CMIP: variants seen among roughly 807,000 people sequenced by gnomAD.
The protein encoded by CMIP is c-Maf inducing protein.
Under a neutral mutation model 97.3 loss-of-function variants are expected in CMIP, and 13 were observed. The ratio of observed to expected loss-of-function variants is 0.13; its 90% CI spans 0.09 to 0.21. The LOEUF (loss-of-function observed/expected upper bound fraction) is 0.21. Ranked by LOEUF, CMIP falls within the 10% of genes least tolerant of loss-of-function variation. The pLI is 1.00. For synonymous variants in CMIP, 538 were observed against 436.3 expected (o/e 1.23, Z -2.91); for missense variants, 847 against 1,024.9 (o/e 0.83, Z 2.37).
At chr16:81,694,823 C>T (rs540791884) in intron 13 of CMIP, among the ~76,000 whole-genome samples, 5 of 152,262 alleles carry the variant, frequency 3.3e-5, no homozygotes, top group South Asian at 4.1e-4. Flanking sequence ...TCCAAAACAC[C>T]GCAATTCTAA....
At chr16:81,632,374 A>G (rs369306239) in intron 3 of CMIP, among the ~76,000 whole-genome samples, 4 of 152,170 alleles carry the variant, frequency 2.6e-5, no homozygotes, top group East Asian at 3.8e-4. Flanking sequence ...GCTTATGAAT[A>G]TTCCTTTGTA....
intron 1 of CMIP, among the ~76,000 whole-genome samples, chr16:81,529,953 C>T (rs2090200267): frequency 6.6e-6 from 1 of 152,174 alleles, no homozygotes; most frequent in Non-Finnish European, 1.5e-5. Context: ...CCATAGGAAC[C>T]TTATACATGG....
intron 1 of CMIP, among the ~76,000 whole-genome samples, chr16:81,552,117 G>C (rs769507871): frequency 6.6e-6 from 1 of 152,176 alleles, no homozygotes; most frequent in Non-Finnish European, 1.5e-5. Flanking sequence ...ACATCTGACT[G>C]TCCAGGCCCA....
intron 7 of CMIP, chr16:81,664,817 C>G (rs2092585936): frequency 3.6e-6 from 1 of 280,690 alleles, no homozygotes. Flanking sequence ...CAACAACAAG[C>G]CAGTTAGACA....
rs144123118 is a variant in CMIP, at chr16:81,664,604, G to A, written c.825+255G>A. ...ACCGCAGCTGGAGGAGAAGAGGAAA[G>A]CCTCCCGGGAAGAATAGGCCCAAAT... On this transcript the variant is annotated intron_variant, in intron 7 of 20. Transcript: ENST00000537098. 2.4e-3 allele frequency: 1,396 copies of A among 586,364 alleles called. 4 individuals are homozygous for A. Among genetic ancestry groups the A allele is most frequent in the Non-Finnish European group, 3.4e-3 (1,124 of 330,404 alleles). The allele number at this position is 586,364 out of a possible 1,614,324, so 36.3% of individuals were successfully genotyped here.
intron 1 of CMIP, among the ~76,000 whole-genome samples, chr16:81,604,811 A>G (rs1486574324): frequency 1.3e-5 from 2 of 152,246 alleles, no homozygotes; most frequent in Admixed American, 1.3e-4. Context: ...AAGGCAGGGC[A>G]TGTGAAAGGT....
chr16:81,692,172 C>T (rs1906158866), intron 11 of CMIP, among the ~76,000 whole-genome samples: 1 of 152,170 alleles, frequency 6.6e-6, no homozygotes. Context: ...TTATTATGCA[C>T]CAGATGGGAA....
At chr16:81,553,102 G>A (rs926021647) in intron 1 of CMIP, among the ~76,000 whole-genome samples, 1 of 152,160 alleles carries the variant, frequency 6.6e-6, no homozygotes, top group Non-Finnish European at 1.5e-5. Context: ...AGCCACGTGG[G>A]TCCCAGCACC....
At chr16:81,640,303 T>A (rs2092288894) in intron 3 of CMIP, among the ~76,000 whole-genome samples, 1 of 132,790 alleles carries the variant, frequency 7.5e-6, no homozygotes. Flanking sequence ...CCCCCCCAAT[T>A]CCCCAGGGAA....
At chr16:81,556,568 G>A (rs2090768448) in intron 1 of CMIP, among the ~76,000 whole-genome samples, 1 of 152,156 alleles carries the variant, frequency 6.6e-6, no homozygotes, top group Admixed American at 6.5e-5. Context: ...GAGACAGAAG[G>A]TGGAATCCTG....
intron 3 of CMIP, among the ~76,000 whole-genome samples, chr16:81,632,834 A>G (rs1436100315): frequency 6.6e-6 from 1 of 152,104 alleles, no homozygotes; most frequent in Admixed American, 6.5e-5. Flanking sequence ...TCAACTCTAC[A>G]TAAGGGCCAG....
chr16:81,611,365 T>C (rs74469188), intron 2 of CMIP: 20,067 of 152,208 alleles, frequency 0.13, 1,355 homozygotes, highest in Middle Eastern at 0.2. Flanking sequence ...GGCTGTGCTG[T>C]AATGCAGTCT....
intron 1 of CMIP, among the ~76,000 whole-genome samples, chr16:81,454,376 G>A (rs1906418990): frequency 6.6e-6 from 1 of 152,196 alleles, no homozygotes; most frequent in South Asian, 2.1e-4. Context: ...GTCTGTGTGG[G>A]TCCATCAATG....
At chr16:81,549,932 TTGTG>T (rs900738534) in intron 1 of CMIP, among the ~76,000 whole-genome samples, 12 of 152,266 alleles carry the variant, frequency 7.9e-5, no homozygotes, top group African/African-American at 1.2e-4. Context: ...GCTTGTGCAT[TTGTG>T]TGTGTGTGTA....
At chr16:81,517,648 T>C (rs934009874) in intron 1 of CMIP, among the ~76,000 whole-genome samples, 1 of 152,204 alleles carries the variant, frequency 6.6e-6, no homozygotes, top group African/African-American at 2.4e-5. Flanking sequence ...TTGCAAAGTA[T>C]GTAATAGGCC....
chr16:81,576,174 C>T (rs760366929), intron 1 of CMIP, among the ~76,000 whole-genome samples: 11 of 152,220 alleles, frequency 7.2e-5, no homozygotes, highest in East Asian at 1.9e-4. Flanking sequence ...GAGGCTGAGG[C>T]GGGTGGATCA....
intron 2 of CMIP, among the ~76,000 whole-genome samples, chr16:81,608,897 G>T (rs897483915): frequency 1.3e-5 from 2 of 152,142 alleles, no homozygotes; most frequent in Non-Finnish European, 2.9e-5. Context: ...CCTTCTCTTA[G>T]CCCAAAGAGA....
intron 10 of CMIP, among the ~76,000 whole-genome samples, chr16:81,685,062 C>T (rs1905242241): frequency 6.6e-6 from 1 of 152,352 alleles, no homozygotes; most frequent in South Asian, 2.1e-4. Context: ...TTCCCTTCTT[C>T]GTGGGCCTGC....
At chr16:81,495,329 C>T in intron 1 of CMIP, 4 of 1,463,380 alleles carry the variant, frequency 2.7e-6, no homozygotes, top group Non-Finnish European at 3.6e-6. Flanking sequence ...CAGTGATAAG[C>T]AGGAGCCAGG....
Sources: allele counts gnomAD v4.1 joint callset (sites outside exome capture counted in the v4.1 genomes callset), GRCh38; gene constraint gnomAD v4.1.1; transcripts MANE v1.5; gene names NCBI Gene and HGNC (gene_info 2026-07-23, HGNC 2026-07-21).